GOLM2: variants seen among roughly 807,000 people sequenced by gnomAD.
The protein encoded by GOLM2 is golgi membrane protein 2.
GOLM2 carries 26 observed loss-of-function variants against 55.9 expected under a neutral mutation model. That is an observed-to-expected ratio of 0.47 (90% CI 0.34 to 0.65). The LOEUF (loss-of-function observed/expected upper bound fraction) is 0.65, where lower values mean the gene tolerates loss of function less well. Ranked by LOEUF, GOLM2 falls within the 30% of genes least tolerant of loss-of-function variation. The pLI is 0.01. For synonymous variants in GOLM2, 165 were observed against 194.6 expected (o/e 0.85, Z 1.27); for missense variants, 486 against 531.8 (o/e 0.91, Z 0.85).
chr15:44,363,530 G>A (rs1302325774), intron 6 of GOLM2, among the ~76,000 whole-genome samples: 4 of 152,152 alleles, frequency 2.6e-5, no homozygotes, highest in African/African-American at 9.7e-5. Flanking sequence ...CAGTCATTAA[G>A]AAGTCAGGAA....
At chr15:44,307,959 T>C (rs767757308) in intron 1 of GOLM2, 1 of 152,142 alleles carries the variant, frequency 6.6e-6, no homozygotes, top group Non-Finnish European at 1.5e-5. Flanking sequence ...TAATATAAGG[T>C]ACATGGTATT....
intron 6 of GOLM2, among the ~76,000 whole-genome samples, chr15:44,344,417 G>C (rs1030149794): frequency 1.8e-4 from 27 of 151,704 alleles, no homozygotes; most frequent in African/African-American, 6.3e-4. Context: ...GGTTTTGTTT[G>C]TTTTTAATGC....
chr15:44,304,308 C>T (rs1261430221), intron 1 of GOLM2, among the ~76,000 whole-genome samples: 1 of 122,744 alleles, frequency 8.1e-6, no homozygotes, highest in Non-Finnish European at 1.6e-5. Flanking sequence ...ATGGCATGAT[C>T]TCGGCTCACT....
chr15:44,397,349 G>C (rs1021456968), intron 8 of GOLM2, among the ~76,000 whole-genome samples: 1 of 151,462 alleles, frequency 6.6e-6, no homozygotes, highest in Non-Finnish European at 1.5e-5. Flanking sequence ...CTTGGTGGTG[G>C]GCGCCTGTAG....
chr15:44,320,349 A>G (rs1407770731), intron 1 of GOLM2, among the ~76,000 whole-genome samples: 2 of 152,006 alleles, frequency 1.3e-5, no homozygotes, highest in Non-Finnish European at 2.9e-5. Flanking sequence ...CCCAGGCTGG[A>G]GTACACTGGT....
intron 3 of GOLM2, among the ~76,000 whole-genome samples, chr15:44,329,873 G>C (rs1283336706): frequency 2.0e-5 from 3 of 151,104 alleles, no homozygotes; most frequent in Non-Finnish European, 4.4e-5. Context: ...CTACACTGTA[G>C]TCTGGGCAAC....
At position 44,321,480 on chromosome 15, in the gene GOLM2, A is replaced by G. The variant is rs372904389; in HGVS notation, c.328-1485A>G. Among the ~76,000 whole-genome samples the G allele has an allele frequency of 3.9e-3, 562 of 144,176 alleles. 1 individual carries two copies. Among genetic ancestry groups the G allele is most frequent in the Non-Finnish European group, 6.0e-3 (397 of 65,922 alleles). 94.6% of individuals were successfully genotyped at this position (144,176 alleles called of 152,430 possible). A position where few individuals can be genotyped will look rare whatever the true frequency, so the allele number is the denominator to read the frequency against. On this transcript the variant is annotated intron_variant, in intron 1 of 9. Coordinates refer to ENST00000299957, the MANE Select transcript of GOLM2 (RefSeq NM_138423.4). ...GAGAACATGTCTCAAAAAAAAAAAA[A>G]AAAAGGGGGGGTGGGGGGATAGCAT...
intron 6 of GOLM2, among the ~76,000 whole-genome samples, chr15:44,371,530 A>G (rs2079329426): frequency 6.6e-6 from 1 of 152,246 alleles, no homozygotes; most frequent in Non-Finnish European, 1.5e-5. Context: ...ACTAACCAGT[A>G]TTTGAGCAAA....
chr15:44,404,916 T>G (rs568987042), intron 9 of GOLM2, among the ~76,000 whole-genome samples: 1 of 152,338 alleles, frequency 6.6e-6, no homozygotes, highest in East Asian at 1.9e-4. Context: ...ACTTTCAATA[T>G]TCTCTAATTT....
chr15:44,405,952 T>C (rs1422701036), intron 9 of GOLM2, among the ~76,000 whole-genome samples: 1 of 152,134 alleles, frequency 6.6e-6, no homozygotes, highest in Non-Finnish European at 1.5e-5. Flanking sequence ...TATTATTAAC[T>C]GTCCAAAAAG....
chr15:44,317,627 A>G (rs1196553716), intron 1 of GOLM2, among the ~76,000 whole-genome samples: 7 of 152,066 alleles, frequency 4.6e-5, no homozygotes, highest in African/African-American at 1.7e-4. Context: ...CAGTGATCTC[A>G]TTCCTATGAC....
rs148272181 is a variant in GOLM2, at chr15:44,347,514, C to T, written c.802+9197C>T. Among the ~76,000 whole-genome samples the T allele has an allele frequency of 4.4e-3, 677 of 152,276 alleles. 4 individuals carry two copies. Among genetic ancestry groups the T allele is most frequent in the African/African-American group, 0.016 (645 of 41,548 alleles). ...CACAGAGGAAGCCTGTGGACTAACC[C>T]TAGTCAGAGGGGAAATTTTCTCTCC... On this transcript the variant is annotated intron_variant, in intron 6 of 9. Coordinates refer to ENST00000299957, the MANE Select transcript of GOLM2 (RefSeq NM_138423.4).
intron 1 of GOLM2, among the ~76,000 whole-genome samples, chr15:44,319,986 T>G (rs1263132851): frequency 2.0e-5 from 3 of 152,244 alleles, no homozygotes; most frequent in East Asian, 1.9e-4. Context: ...TTACTATATC[T>G]AAAATGTTGA....
At chr15:44,309,221 G>A (rs75232841) in intron 1 of GOLM2, among the ~76,000 whole-genome samples, 2,657 of 152,276 alleles carry the variant, frequency 0.017, 66 homozygotes, top group East Asian at 0.094. Flanking sequence ...AAAACAGTAT[G>A]TAGTTTCCTC....
intron 8 of GOLM2, among the ~76,000 whole-genome samples, chr15:44,383,215 A>C (rs1762771405): frequency 6.6e-6 from 1 of 151,840 alleles, no homozygotes; most frequent in Non-Finnish European, 1.5e-5. Flanking sequence ...CATTGTTTAG[A>C]TCATTTCGTA....
At chr15:44,328,561 T>C in intron 2 of GOLM2, 124 bp from the exon 3 acceptor site, 1 of 575,552 alleles carries the variant, frequency 1.7e-6, no homozygotes, top group East Asian at 3.0e-5. Context: ...TAATTTAATT[T>C]CCTGGGAGTA....
chr15:44,340,042 G>A (rs948911514), intron 6 of GOLM2, among the ~76,000 whole-genome samples: 3 of 151,900 alleles, frequency 2.0e-5, no homozygotes, highest in Non-Finnish European at 4.4e-5. Context: ...AGCTGGTCTC[G>A]AACTCCTAGC....
chr15:44,387,031 C>T (rs1164678074), intron 8 of GOLM2, among the ~76,000 whole-genome samples: 11 of 151,722 alleles, frequency 7.3e-5, no homozygotes, highest in African/African-American at 2.7e-4. Context: ...AAAAACTACC[C>T]ACATATGGTG....
intron 3 of GOLM2, among the ~76,000 whole-genome samples, chr15:44,329,494 A>T (rs1364793792): frequency 6.6e-6 from 1 of 152,172 alleles, no homozygotes; most frequent in East Asian, 1.9e-4. Context: ...AGGATTAAAG[A>T]TTTAACGTAT....
Sources: allele counts gnomAD v4.1 joint callset (sites outside exome capture counted in the v4.1 genomes callset), GRCh38; gene constraint gnomAD v4.1.1; transcripts MANE v1.5; gene names NCBI Gene and HGNC (gene_info 2026-07-23, HGNC 2026-07-21).